The following PDS5B variants were observed in gnomAD, a reference collection of about 807,000 sequenced individuals.
PDS5B encodes PDS5 cohesin associated factor B, also known as sister chromatid cohesion protein PDS5 homolog B.
Under a neutral mutation model 184.1 loss-of-function variants are expected in PDS5B, and 51 were observed. That is an observed-to-expected ratio of 0.28 (90% CI 0.22 to 0.35). The LOEUF (loss-of-function observed/expected upper bound fraction) is 0.35, where lower values mean the gene tolerates loss of function less well. Ranked by LOEUF, PDS5B falls within the 10% of genes least tolerant of loss-of-function variation. The pLI is 1.00. For synonymous variants in PDS5B, 566 were observed against 569.2 expected (o/e 0.99, Z 0.08); for missense variants, 1,180 against 1,723.3 (o/e 0.68, Z 5.58).
intron 1 of PDS5B, among the ~76,000 whole-genome samples, chr13:32,628,210 C>T (rs1043754088): frequency 6.6e-6 from 1 of 152,104 alleles, no homozygotes; most frequent in Non-Finnish European, 1.5e-5. Flanking sequence ...TTTCTTCCAT[C>T]CCAAGCTCAA....
intron 1 of PDS5B, among the ~76,000 whole-genome samples, chr13:32,611,632 T>G (rs1385893539): frequency 6.6e-6 from 1 of 150,876 alleles, no homozygotes; most frequent in Non-Finnish European, 1.5e-5. Flanking sequence ...CTCAGCCTCC[T>G]GAGTAGCTGG....
intron 24 of PDS5B, among the ~76,000 whole-genome samples, chr13:32,748,723 T>A (rs1953854128): frequency 6.6e-6 from 1 of 152,042 alleles, no homozygotes; most frequent in African/African-American, 2.4e-5. Flanking sequence ...TATGTAAGTG[T>A]TAAATATAGT....
At chr13:32,747,557 A>G (rs1036871998) in intron 24 of PDS5B, among the ~76,000 whole-genome samples, 14 of 150,500 alleles carry the variant, frequency 9.3e-5, no homozygotes, top group African/African-American at 3.4e-4. Flanking sequence ...ATTGCACTCC[A>G]GCCTGGGCAA....
At chr13:32,745,872 T>G in intron 23 of PDS5B, 105 bp from the exon 24 acceptor site, 1 of 898,270 alleles carries the variant, frequency 1.1e-6, no homozygotes, top group Non-Finnish European at 1.7e-6. Flanking sequence ...ACAGCATTTT[T>G]TTTTAAACTT....
At chr13:32,751,788 T>G (rs1953991579) in intron 24 of PDS5B, among the ~76,000 whole-genome samples, 1 of 150,408 alleles carries the variant, frequency 6.6e-6, no homozygotes, top group Non-Finnish European at 1.5e-5. Flanking sequence ...AAAAATTTTC[T>G]CCCATTCTGT....
chr13:32,730,129 G>A (rs1593540723), intron 19 of PDS5B, among the ~76,000 whole-genome samples: 1 of 152,170 alleles, frequency 6.6e-6, no homozygotes, highest in African/African-American at 2.4e-5. Context: ...TGTATAAGGT[G>A]TAAGGAAGGG....
chr13:32,669,903 A>C (rs960260287), intron 7 of PDS5B, among the ~76,000 whole-genome samples: 1 of 152,104 alleles, frequency 6.6e-6, no homozygotes, highest in Non-Finnish European at 1.5e-5. Context: ...GACCTTTATA[A>C]TTACATGTAA....
chr13:32,763,103 G>T (rs1954465829), intron 30 of PDS5B, among the ~76,000 whole-genome samples: 1 of 152,142 alleles, frequency 6.6e-6, no homozygotes. Context: ...GCAGGGGAAT[G>T]AAGTAGGTAT....
At chr13:32,670,496 A>G (rs1017912736) in intron 7 of PDS5B, among the ~76,000 whole-genome samples, 6 of 152,162 alleles carry the variant, frequency 3.9e-5, no homozygotes, top group African/African-American at 1.4e-4. Flanking sequence ...TCAAAGTGCT[A>G]AGATTATAGG....
At chr13:32,717,676 A>G (rs1448834486) in intron 19 of PDS5B, among the ~76,000 whole-genome samples, 3 of 144,088 alleles carry the variant, frequency 2.1e-5, no homozygotes, top group African/African-American at 5.2e-5. Context: ...GAAACACCCA[A>G]GAATGATCAA....
At chr13:32,724,810 G>C (rs1374806980) in intron 19 of PDS5B, among the ~76,000 whole-genome samples, 1 of 152,112 alleles carries the variant, frequency 6.6e-6, no homozygotes, top group Admixed American at 6.5e-5. Context: ...GAACTCTTGG[G>C]CTCCAGCAAT....
chr13:32,618,514 G>A lies in PDS5B; in HGVS notation c.-19-30240G>A, dbSNP rs193234732. 3.2e-3 allele frequency among the ~76,000 whole-genome samples: 418 copies of A among 129,476 alleles called. 1 individual carries two copies. Among genetic ancestry groups the A allele is most frequent in the Non-Finnish European group, 6.3e-3 (350 of 55,124 alleles). 84.9% of individuals were successfully genotyped at this position (129,476 alleles called of 152,430 possible). ...TGTAATACTACTGGCCCATTACTGT[G>A]TAGAAAAAAAAAATGTGTATATAGG... On this transcript the variant is annotated intron_variant, in intron 1 of 34. Coordinates refer to ENST00000315596, the MANE Select transcript of PDS5B (RefSeq NM_015032.4).
chr13:32,598,896 A>G (rs422378), intron 1 of PDS5B, among the ~76,000 whole-genome samples: 104,233 of 151,220 alleles, frequency 0.69, 36,497 homozygotes, highest in African/African-American at 0.82. Flanking sequence ...TCAGCCTTCC[A>G]AGTAGCTGGG....
intron 1 of PDS5B, among the ~76,000 whole-genome samples, chr13:32,588,802 T>C (rs1338472127): frequency 6.6e-6 from 1 of 152,264 alleles, no homozygotes; most frequent in African/African-American, 2.4e-5. Context: ...TCTGCAGCTT[T>C]GTTTAACGAA....
chr13:32,629,066 G>A (rs1012539760), intron 1 of PDS5B, among the ~76,000 whole-genome samples: 2 of 152,064 alleles, frequency 1.3e-5, no homozygotes, highest in Non-Finnish European at 2.9e-5. Flanking sequence ...ACAGATCACC[G>A]GTTTTCAAAT....
intron 10 of PDS5B, among the ~76,000 whole-genome samples, chr13:32,682,305 C>G (rs2140803612): frequency 6.6e-6 from 1 of 152,240 alleles, no homozygotes. Flanking sequence ...AGTTAGTTCT[C>G]TCACCATTTT....
rs777740232 is a variant in PDS5B, at chr13:32,760,634, A to C, written c.3432A>C (p.Gln1144His). The change falls in exon 30 of 35, where the codon CAA (glutamine) becomes CAC (histidine). Residue 1144 changes from glutamine (Q) to histidine (H), a missense_variant. Gln to His is a conservative substitution (Grantham distance 24). Coordinates refer to ENST00000315596, the MANE Select transcript of PDS5B (RefSeq NM_015032.4). ...AGCCACTTTCATCAGCAGGCAAGCA[A>C]TCTCAGACCAAATCATCACGAATGG... ...VNKPLSSAGK[Q>H]SQTKSSRMET... is the part of the protein sequence containing the mutation. The C allele has an allele frequency of 6.2e-7, 1 of 1,614,090 alleles. No homozygotes were observed. Among genetic ancestry groups the C allele is most frequent in the Admixed American group, 1.7e-5 (1 of 60,014 alleles).
intron 2 of PDS5B, chr13:32,649,913 A>T (rs1016600948): frequency 3.3e-5 from 5 of 152,114 alleles, no homozygotes; most frequent in Admixed American, 2.6e-4. Context: ...TCTATATATG[A>T]CATGTTTCAT....
chr13:32,627,212 G>A (rs2058383803), intron 1 of PDS5B, among the ~76,000 whole-genome samples: 1 of 152,178 alleles, frequency 6.6e-6, no homozygotes, highest in African/African-American at 2.4e-5. Flanking sequence ...TGAATTTGCT[G>A]TGATATCTAG....
Sources: allele counts gnomAD v4.1 joint callset (sites outside exome capture counted in the v4.1 genomes callset), GRCh38; gene constraint gnomAD v4.1.1; transcripts MANE v1.5; gene names NCBI Gene and HGNC (gene_info 2026-07-23, HGNC 2026-07-21).